Variants in RBFOX1 observed in about 807,000 individuals in gnomAD.
RBFOX1 encodes RNA binding protein fox-1 homolog 1.
Under a neutral mutation model 57.7 loss-of-function variants are expected in RBFOX1, and 8 were observed. The ratio of observed to expected loss-of-function variants is 0.14; its 90% CI spans 0.08 to 0.25. RBFOX1 has a LOEUF of 0.25. Among genes scored for constraint, RBFOX1 ranks in the 10% least tolerant of loss-of-function variants. The pLI is 1.00. For synonymous variants in RBFOX1, 326 were observed against 222.4 expected (o/e 1.47, Z -4.15); for missense variants, 611 against 548.5 (o/e 1.11, Z -1.14).
chr16:5,258,312 T>C (rs1250804652), intron 1 of RBFOX1, among the ~76,000 whole-genome samples: 2 of 152,220 alleles, frequency 1.3e-5, no homozygotes, highest in Non-Finnish European at 2.9e-5. Flanking sequence ...TTACTCCATT[T>C]GTTTTTCTGA....
At chr16:6,823,063 T>A (rs1285481157) in intron 3 of RBFOX1, among the ~76,000 whole-genome samples, 1 of 152,124 alleles carries the variant, frequency 6.6e-6, no homozygotes, top group Non-Finnish European at 1.5e-5. Context: ...GTGTGTTGAA[T>A]ACAATTATTT....
At chr16:6,423,391 G>C (rs766840805) in intron 2 of RBFOX1, among the ~76,000 whole-genome samples, 1 of 152,108 alleles carries the variant, frequency 6.6e-6, no homozygotes, top group Non-Finnish European at 1.5e-5. Flanking sequence ...CTGAGGTCAG[G>C]AGTTTGGGAC....
intron 4 of RBFOX1, among the ~76,000 whole-genome samples, chr16:7,132,084 C>T (rs1281474460): frequency 4.6e-5 from 7 of 150,998 alleles, no homozygotes; most frequent in Non-Finnish European, 7.4e-5. Flanking sequence ...CTCTGCCGCC[C>T]GGGCTGAAGC....
chr16:5,832,608 A>C (rs1357653673), intron 3 of RBFOX1, among the ~76,000 whole-genome samples: 1 of 152,182 alleles, frequency 6.6e-6, no homozygotes, highest in Non-Finnish European at 1.5e-5. Context: ...AATTACACCT[A>C]TTTGATGTCT....
At chr16:7,367,687 C>T (rs1239496112) in intron 4 of RBFOX1, among the ~76,000 whole-genome samples, 1 of 152,150 alleles carries the variant, frequency 6.6e-6, no homozygotes, top group African/African-American at 2.4e-5. Flanking sequence ...AATGTCCCAT[C>T]CCATCTGTTC....
chr16:7,527,155 A>G (rs1028808627), intron 5 of RBFOX1, among the ~76,000 whole-genome samples: 6 of 152,274 alleles, frequency 3.9e-5, no homozygotes, highest in Non-Finnish European at 7.4e-5. Context: ...TGTTTTGTCA[A>G]TACCAGTTCT....
At chr16:6,796,979 TG>T (rs1294654140) in intron 3 of RBFOX1, among the ~76,000 whole-genome samples, 2 of 152,158 alleles carry the variant, frequency 1.3e-5, no homozygotes, top group Non-Finnish European at 2.9e-5. Context: ...CATTCCTTAG[TG>T]GGAAAACATA....
intron 2 of RBFOX1, among the ~76,000 whole-genome samples, chr16:5,468,946 C>A (rs529038672): frequency 6.6e-6 from 1 of 152,234 alleles, no homozygotes; most frequent in Non-Finnish European, 1.5e-5. Context: ...GGGCTGGGAA[C>A]TGAGAACAGA....
At chr16:6,616,520 C>CA (rs1021915577) in intron 2 of RBFOX1, among the ~76,000 whole-genome samples, 4 of 151,994 alleles carry the variant, frequency 2.6e-5, no homozygotes, top group South Asian at 4.1e-4. Flanking sequence ...ACTAAAAATA[C>CA]AAAAAATTAG....
At chr16:6,961,171 A>C (rs946705741) in intron 3 of RBFOX1, among the ~76,000 whole-genome samples, 18 of 152,026 alleles carry the variant, frequency 1.2e-4, no homozygotes, top group Non-Finnish European at 1.9e-4. Flanking sequence ...ACGCAAAAGA[A>C]AGAAAGAAAA....
At chr16:7,182,132 C>T (rs924911629) in intron 4 of RBFOX1, among the ~76,000 whole-genome samples, 1 of 152,180 alleles carries the variant, frequency 6.6e-6, no homozygotes. Context: ...GTAGTTGTCT[C>T]ATAAAATGAA....
intron 1 of RBFOX1, among the ~76,000 whole-genome samples, chr16:5,368,495 T>C (rs1189963064): frequency 6.6e-6 from 1 of 152,212 alleles, no homozygotes; most frequent in Non-Finnish European, 1.5e-5. Flanking sequence ...ATAACATCTA[T>C]TTAGAGGAAC....
chr16:5,808,529 T>A (rs1390462809), intron 3 of RBFOX1, among the ~76,000 whole-genome samples: 1 of 152,234 alleles, frequency 6.6e-6, no homozygotes, highest in Non-Finnish European at 1.5e-5. Context: ...ATTTTCACGA[T>A]ATTGATTCTT....
At chr16:7,254,989 G>C (rs1162454948) in intron 4 of RBFOX1, among the ~76,000 whole-genome samples, 4 of 152,046 alleles carry the variant, frequency 2.6e-5, no homozygotes, top group Admixed American at 2.0e-4. Flanking sequence ...CAGTTTTCTT[G>C]AGTTTTATTT....
intron 2 of RBFOX1, among the ~76,000 whole-genome samples, chr16:6,590,842 T>C (rs1409861497): frequency 2.1e-4 from 1 of 4,752 alleles, no homozygotes; most frequent in Non-Finnish European, 6.9e-3. Flanking sequence ...GCAAGTGCGT[T>C]TGACATGCAA....
At chr16:6,938,634 A>T (rs1465487760) in intron 3 of RBFOX1, among the ~76,000 whole-genome samples, 1 of 152,126 alleles carries the variant, frequency 6.6e-6, no homozygotes, top group Non-Finnish European at 1.5e-5. Context: ...ATAGGAGGAC[A>T]ATCTAGGTTA....
intron 4 of RBFOX1, among the ~76,000 whole-genome samples, chr16:7,163,424 G>C (rs1436310810): frequency 6.6e-6 from 1 of 152,070 alleles, no homozygotes; most frequent in Non-Finnish European, 1.5e-5. Flanking sequence ...GAAGCGGCTG[G>C]TCTGGTGACG....
chr16:5,534,795 C>T (rs1430313888), intron 2 of RBFOX1, among the ~76,000 whole-genome samples: 1 of 152,158 alleles, frequency 6.6e-6, no homozygotes. Context: ...TCTAAGAATC[C>T]TGAGTTATAT....
intron 3 of RBFOX1, among the ~76,000 whole-genome samples, chr16:5,732,885 TA>T (rs912696808): frequency 3.3e-5 from 5 of 151,920 alleles, no homozygotes; most frequent in African/African-American, 1.2e-4. Context: ...AAAAGGAAAA[TA>T]AAAAATTGCA....
Sources: allele counts gnomAD v4.1 joint callset (sites outside exome capture counted in the v4.1 genomes callset), GRCh38; gene constraint gnomAD v4.1.1; transcripts MANE v1.5; gene names NCBI Gene and HGNC (gene_info 2026-07-23, HGNC 2026-07-21).